The following PTPRK variants were observed in gnomAD, a reference collection of about 807,000 sequenced individuals.
The protein encoded by PTPRK is receptor-type tyrosine-protein phosphatase kappa.
A neutral mutation model predicts 178.0 loss-of-function variants in PTPRK; 75 were observed. The observed-to-expected ratio is 0.42, with a 90% CI of 0.35 to 0.51. PTPRK has a LOEUF of 0.51. PTPRK is among the 20% of genes least tolerant of loss of function. The pLI is 0.02. For missense variants in PTPRK, 1,441 were observed against 1,797.8 expected, an observed-to-expected ratio of 0.80 and a Z score of 3.59; for synonymous variants, 637 against 620.6, an observed-to-expected ratio of 1.03 and a Z score of -0.39.
chr6:128,403,219 A>G (rs1016886543), intron 1 of PTPRK, among the ~76,000 whole-genome samples: 5 of 152,220 alleles, frequency 3.3e-5, no homozygotes, highest in African/African-American at 1.2e-4. Context: ...TATTCGAAGC[A>G]GATGCTCCAC....
intron 1 of PTPRK, among the ~76,000 whole-genome samples, chr6:128,512,867 T>C (rs910568650): frequency 6.6e-6 from 1 of 152,146 alleles, no homozygotes; most frequent in African/African-American, 2.4e-5. Flanking sequence ...ACTACAAAGA[T>C]CTTAAATTAC....
chr6:128,176,085 A>T (rs1014330587), intron 7 of PTPRK, among the ~76,000 whole-genome samples: 14 of 151,910 alleles, frequency 9.2e-5, no homozygotes, highest in African/African-American at 3.4e-4. Flanking sequence ...AATATTCTTC[A>T]CTAATATAAT....
intron 1 of PTPRK, among the ~76,000 whole-genome samples, chr6:128,455,565 A>G (rs1848290135): frequency 6.6e-6 from 1 of 152,178 alleles, no homozygotes; most frequent in Non-Finnish European, 1.5e-5. Context: ...ACCTGACTCC[A>G]GAATCAGATT....
chr6:128,396,963 A>T (rs1840392458), intron 2 of PTPRK, among the ~76,000 whole-genome samples: 1 of 152,192 alleles, frequency 6.6e-6, no homozygotes, highest in African/African-American at 2.4e-5. Context: ...AGGCCACTGC[A>T]TTCCAGCCTG....
In PTPRK at chr6:128,300,928, C is replaced by T. The variant is rs570953478; in HGVS notation, c.495+21111G>A. 1.1e-3 allele frequency among the ~76,000 whole-genome samples: 166 copies of T among 151,226 alleles called. 1 individual carries two copies. The highest frequency in any genetic ancestry group is 6.8e-3 in the Middle Eastern group (2 of 292). On this transcript the variant is annotated intron_variant, in intron 3 of 29. Transcript: ENST00000368226. Reference sequence around the variant, plus strand: ...CCCAGATTTCAACATACACACCCCACCCCCACCACACTGCTCTATCTTCTT... The same window carrying T: ...CCCAGATTTCAACATACACACCCCATCCCCACCACACTGCTCTATCTTCTT...
chr6:128,347,898 TTAA>T (rs1832626989), intron 2 of PTPRK, among the ~76,000 whole-genome samples: 1 of 152,066 alleles, frequency 6.6e-6, no homozygotes, highest in South Asian at 2.1e-4. Flanking sequence ...AATAGCAACA[TTAA>T]TACGTCGATT....
At chr6:128,118,852 G>A (rs1003369882) in intron 7 of PTPRK, among the ~76,000 whole-genome samples, 36 of 152,010 alleles carry the variant, frequency 2.4e-4, no homozygotes, top group Non-Finnish European at 7.4e-5. Flanking sequence ...CTTTCCTTAG[G>A]TTTATCTTGT....
intron 18 of PTPRK, 53 bp downstream of exon 18, chr6:127,995,387 TTTATAGGTAATAAGCAAAAAGG>T: frequency 6.7e-7 from 1 of 1,497,382 alleles, no homozygotes; most frequent in South Asian, 1.1e-5. Context: ...TAGCAATCAC[TTTATAGGTAATAAGCAAAAAGG>T]TTCATATATA....
At chr6:128,149,164 C>T (rs886511990) in intron 7 of PTPRK, among the ~76,000 whole-genome samples, 1 of 77,158 alleles carries the variant, frequency 1.3e-5, no homozygotes, top group Non-Finnish European at 2.4e-5. Context: ...GGGGGCCTGT[C>T]GTGGGGTGGG....
At chr6:128,115,792 G>A (rs1791426009) in intron 7 of PTPRK, among the ~76,000 whole-genome samples, 1 of 152,064 alleles carries the variant, frequency 6.6e-6, no homozygotes, top group Admixed American at 6.6e-5. Flanking sequence ...CAGTGAACAA[G>A]TCTTATTTTA....
At chr6:128,448,688 T>G (rs1847352009) in intron 1 of PTPRK, among the ~76,000 whole-genome samples, 1 of 152,086 alleles carries the variant, frequency 6.6e-6, no homozygotes, top group African/African-American at 2.4e-5. Context: ...TGAATACCAT[T>G]TACAACTTAA....
intron 3 of PTPRK, chr6:128,321,762 A>C (rs1274187296): frequency 2.9e-6 from 2 of 694,906 alleles, no homozygotes; most frequent in Non-Finnish European, 5.2e-6. Context: ...ACCTAAACTT[A>C]TTTTAACACA....
chr6:128,464,620 C>CACATAT (rs1421605369), intron 1 of PTPRK, among the ~76,000 whole-genome samples: 1 of 88,824 alleles, frequency 1.1e-5, no homozygotes, highest in Non-Finnish European at 2.2e-5. Context: ...TATACATATA[C>CACATAT]ATATATATAT....
At chr6:128,233,869 C>G (rs748487742) in intron 5 of PTPRK, among the ~76,000 whole-genome samples, 1 of 152,212 alleles carries the variant, frequency 6.6e-6, no homozygotes, top group Non-Finnish European at 1.5e-5. Flanking sequence ...CTTTCAATAA[C>G]TCCACTGTTG....
intron 1 of PTPRK, among the ~76,000 whole-genome samples, chr6:128,472,534 T>G (rs1000296476): frequency 6.6e-6 from 1 of 151,680 alleles, no homozygotes; most frequent in Non-Finnish European, 1.5e-5. Context: ...CTCCTGAATA[T>G]CCCTTACCCA....
chr6:128,067,295 T>C (rs1408133603), intron 12 of PTPRK, among the ~76,000 whole-genome samples: 1 of 152,074 alleles, frequency 6.6e-6, no homozygotes, highest in African/African-American at 2.4e-5. Context: ...AAGGCTCGAG[T>C]AGAAGCAGTT....
chr6:128,188,187 AT>A (rs922646586), intron 6 of PTPRK, among the ~76,000 whole-genome samples: 14 of 152,336 alleles, frequency 9.2e-5, no homozygotes, highest in African/African-American at 3.1e-4. Context: ...ACTTACATTC[AT>A]TATTCTAGAA....
chr6:127,986,201 A>G (rs1397408520), intron 21 of PTPRK, among the ~76,000 whole-genome samples: 5 of 152,148 alleles, frequency 3.3e-5, no homozygotes, highest in Admixed American at 2.0e-4. Context: ...AAAGAAGGAA[A>G]TGGGAAAGCT....
chr6:128,083,165 A>G (rs1785121087), intron 9 of PTPRK, among the ~76,000 whole-genome samples: 1 of 152,080 alleles, frequency 6.6e-6, no homozygotes, highest in Non-Finnish European at 1.5e-5. Flanking sequence ...CTATGTAGGA[A>G]CAGAACTACA....
Sources: allele counts gnomAD v4.1 joint callset (sites outside exome capture counted in the v4.1 genomes callset), GRCh38; gene constraint gnomAD v4.1.1; transcripts MANE v1.5; gene names NCBI Gene and HGNC (gene_info 2026-07-23, HGNC 2026-07-21).